SDK2: variants seen among roughly 807,000 people sequenced by gnomAD.
The protein encoded by SDK2 is protein sidekick-2.
In SDK2, 105 loss-of-function variants were observed where a neutral mutation model predicts 253.9. That is an observed-to-expected ratio of 0.41 (90% confidence interval 0.35 to 0.49). SDK2 has a LOEUF of 0.49. Ranked by LOEUF, SDK2 falls within the 20% of genes least tolerant of loss-of-function variation. SDK2 has a pLI of 0.06. For missense variants in SDK2, 2,608 were observed against 3,003.0 expected (o/e 0.87, Z 3.07); for synonymous variants, 1,249 against 1,234.9 (o/e 1.01, Z -0.24).
intron 1 of SDK2, chr17:73,519,785 T>A (rs2064061342): frequency 6.6e-6 from 1 of 152,138 alleles, no homozygotes; most frequent in African/African-American, 2.4e-5. Flanking sequence ...ATTCCAAGGC[T>A]GGGCCCCGCA....
In SDK2 at chr17:73,643,216, C is replaced by T. The variant is rs976284646; in HGVS notation, c.64+809G>A. 6.6e-6 allele frequency: 1 copy of T among 152,570 alleles called. No homozygotes were observed. The highest frequency in any genetic ancestry group is 2.4e-5 in the African/African-American group (1 of 41,458). 9.5% of individuals were successfully genotyped at this position (152,570 alleles called of 1,614,324 possible). ...ACACCTCGGATCCTTCGTAGCACTC[C>T]CAAACCCAAAGCCACCAGCCCTTCT... is the stretch of plus-strand genomic sequence containing the variant. On this transcript the variant is annotated intron_variant, in intron 1 of 44. Transcript: ENST00000392650. The surrounding 1 kb of genome is among the most constrained non-coding windows in gnomAD (Gnocchi z 6.9).
intron 1 of SDK2, among the ~76,000 whole-genome samples, chr17:73,583,150 A>T (rs1257438875): frequency 5.9e-5 from 9 of 152,180 alleles, no homozygotes. Context: ...TTTTCACAGA[A>T]TCCTTGCCTT....
At chr17:73,633,939 G>A (rs1246444860) in intron 1 of SDK2, among the ~76,000 whole-genome samples, 1 of 152,138 alleles carries the variant, frequency 6.6e-6, no homozygotes, top group Admixed American at 6.5e-5. Flanking sequence ...TGTGAGCTTG[G>A]TGGAAGGCTG....
rs1599606918 is a variant in SDK2 at position 73,481,980 on chromosome 17, A to G, written c.225-9762T>C. Among the ~76,000 whole-genome samples the G allele has an allele frequency of 6.6e-6, 1 of 152,144 alleles. No individual in the cohort carries two copies. Among genetic ancestry groups the G allele is most frequent in the East Asian group, 1.9e-4 (1 of 5,184 alleles). ...ACCCCGACTAATACACCGACCGTAG[A>G]ATATGGGAGATAGGCCGGGTGTGGT... On this transcript the variant is annotated intron_variant, in intron 2 of 44. Coordinates refer to ENST00000392650, the MANE Select transcript of SDK2 (RefSeq NM_001144952.2). The surrounding 1 kb of genome is among the most constrained non-coding windows in gnomAD (Gnocchi z 4.5).
At chr17:73,358,246 A>T in intron 39 of SDK2, 42 bp from the exon 40 acceptor site, 1 of 1,554,606 alleles carries the variant, frequency 6.4e-7, no homozygotes, top group South Asian at 1.2e-5. Flanking sequence ...TGGAACCCAG[A>T]ACAGCCACCC....
chr17:73,530,435 C>T (rs970111227), intron 1 of SDK2, among the ~76,000 whole-genome samples: 1 of 152,102 alleles, frequency 6.6e-6, no homozygotes, highest in Non-Finnish European at 1.5e-5. Flanking sequence ...TGGGGGAAAC[C>T]GTCCCCATGA....
At chr17:73,382,401 G>A (rs567932285) in intron 33 of SDK2, among the ~76,000 whole-genome samples, 1 of 152,236 alleles carries the variant, frequency 6.6e-6, no homozygotes, top group East Asian at 1.9e-4. Context: ...AGGGAAGGAG[G>A]CTCTTTATAA....
chr17:73,623,765 T>G (rs1408570224), intron 1 of SDK2, among the ~76,000 whole-genome samples: 1 of 152,134 alleles, frequency 6.6e-6, no homozygotes, highest in Non-Finnish European at 1.5e-5. Context: ...GGGCCCAGGC[T>G]GGACTGCTCT....
In SDK2 at chr17:73,487,361, G is replaced by A. The variant is rs75259595; in HGVS notation, c.225-15143C>T. Among the ~76,000 whole-genome samples, 1,434 of 152,368 alleles carry A rather than the reference G, an allele frequency of 9.4e-3. 9 individuals carry two copies. Among genetic ancestry groups the A allele is most frequent in the Middle Eastern group, 0.02 (6 of 294 alleles). ...TGACCCAAGGCTGGGGCTCTTCCAG[G>A]AAGCTGTGACAGATGGACCCCAATG... On this transcript the variant is annotated intron_variant, in intron 2 of 44. Coordinates refer to ENST00000392650, the MANE Select transcript of SDK2 (RefSeq NM_001144952.2).
chr17:73,342,424 C>T (rs942362927), intron 44 of SDK2, among the ~76,000 whole-genome samples: 3 of 152,210 alleles, frequency 2.0e-5, no homozygotes, highest in African/African-American at 7.2e-5. Flanking sequence ...CGAGCGGGGG[C>T]ACCTGATGCT....
At chr17:73,412,221 CACATATACATATAT>C (rs1232456303) in intron 18 of SDK2, among the ~76,000 whole-genome samples, 1 of 148,294 alleles carries the variant, frequency 6.7e-6, no homozygotes, top group Non-Finnish European at 1.5e-5. Context: ...TATGCATATA[CACATATACATATAT>C]ACATATATCC....
intron 1 of SDK2, among the ~76,000 whole-genome samples, chr17:73,575,491 T>A (rs778890148): frequency 5.9e-5 from 9 of 152,146 alleles, no homozygotes. Context: ...GATTCTGAGG[T>A]AGACTCATTT....
Position 73,383,569 on chromosome 17 carries a change from T to C in SDK2, c.4705+307A>G, listed in dbSNP as rs2062849113. Among the ~76,000 whole-genome samples the C allele has an allele frequency of 6.6e-6, 1 of 152,164 alleles. No homozygotes were observed. The highest frequency in any genetic ancestry group is 1.5e-5 in the Non-Finnish European group (1 of 68,012). On this transcript the variant is annotated intron_variant, in intron 33 of 44. Coordinates refer to ENST00000392650, the MANE Select transcript of SDK2 (RefSeq NM_001144952.2). This position sits in a 1 kb window ranked among gnomAD's most constrained non-coding sequence, Gnocchi z 4.3. ...GGGAAGCCTTGCCTGTCCCTGGCTT[T>C]AGGTCCTCCTAGAATGTTTCCTTCC...
chr17:73,346,160 C>G (rs1303459625), intron 44 of SDK2, among the ~76,000 whole-genome samples: 1 of 150,878 alleles, frequency 6.6e-6, no homozygotes, highest in Non-Finnish European at 1.5e-5. Context: ...GAGCTGAGAT[C>G]GCGCACCATC....
chr17:73,608,300 C>T (rs1434650814), intron 1 of SDK2, among the ~76,000 whole-genome samples: 2 of 151,916 alleles, frequency 1.3e-5, no homozygotes, highest in East Asian at 1.9e-4. Context: ...TTGGGGAGGA[C>T]GATCACGGAG....
At chr17:73,459,604 G>C (rs1049414078) in intron 3 of SDK2, among the ~76,000 whole-genome samples, 2 of 152,184 alleles carry the variant, frequency 1.3e-5, no homozygotes, top group African/African-American at 4.8e-5. Flanking sequence ...TAGACAGTGT[G>C]TGTAATGGTA....
chr17:73,515,906 C>G (rs907334756), intron 1 of SDK2, among the ~76,000 whole-genome samples: 4 of 152,196 alleles, frequency 2.6e-5, no homozygotes, highest in Non-Finnish European at 5.9e-5. Flanking sequence ...ATCAAATGAG[C>G]TAATGTGGGT....
chr17:73,500,465 A>ATCCTCCCTCCATCTCCTCCATCCTCCG (rs2063881192), intron 2 of SDK2, among the ~76,000 whole-genome samples: 1 of 133,930 alleles, frequency 7.5e-6, no homozygotes, highest in Non-Finnish European at 1.6e-5. Context: ...TCCATCCTCC[A>ATCCTCCCTCCATCTCCTCCATCCTCCG]TCCATCCTCC....
intron 4 of SDK2, among the ~76,000 whole-genome samples, chr17:73,454,766 C>T (rs905317540): frequency 5.9e-5 from 9 of 152,126 alleles, no homozygotes; most frequent in Admixed American, 1.3e-4. Flanking sequence ...TGCAGTGGCC[C>T]GATCTCGGCT....
Sources: allele counts gnomAD v4.1 joint callset (sites outside exome capture counted in the v4.1 genomes callset), GRCh38; gene constraint gnomAD v4.1.1; non-coding constraint Gnocchi (gnomAD v3.1); transcripts MANE v1.5; gene names NCBI Gene and HGNC (gene_info 2026-07-23, HGNC 2026-07-21).